NUBPL: variants seen among roughly 807,000 people sequenced by gnomAD.
NUBPL encodes the protein iron-sulfur cluster transfer protein NUBPL.
A neutral mutation model predicts 45.7 loss-of-function variants in NUBPL; 31 were observed. That is an observed-to-expected ratio of 0.68 (90% confidence interval 0.51 to 0.92). The LOEUF (loss-of-function observed/expected upper bound fraction) is 0.92. Among genes scored for constraint, NUBPL ranks in the 40% least tolerant of loss-of-function variants. NUBPL has a pLI of 0.00. For missense variants in NUBPL, 401 were observed against 398.7 expected, an observed-to-expected ratio of 1.01 and a Z score of -0.05; for synonymous variants, 144 against 140.9, an observed-to-expected ratio of 1.02 and a Z score of -0.15.
chr14:31,565,405 A>G (rs2033410448), intron 3 of NUBPL, among the ~76,000 whole-genome samples: 1 of 152,210 alleles, frequency 6.6e-6, no homozygotes, highest in African/African-American at 2.4e-5. Flanking sequence ...GTGTATATCC[A>G]TTAAAACAAA....
chr14:31,664,227 T>G (rs947210619), intron 4 of NUBPL, among the ~76,000 whole-genome samples: 2 of 152,192 alleles, frequency 1.3e-5, no homozygotes, highest in African/African-American at 4.8e-5. Flanking sequence ...ACACTTTATT[T>G]CTTTCTCTTG....
At chr14:31,631,988 C>T (rs1245100029) in intron 4 of NUBPL, among the ~76,000 whole-genome samples, 1 of 152,172 alleles carries the variant, frequency 6.6e-6, no homozygotes, top group Non-Finnish European at 1.5e-5. Context: ...GGTTGCCCTT[C>T]ATCTAAGTTG....
At chr14:31,858,300 T>C (rs553027411) in intron 10 of NUBPL, among the ~76,000 whole-genome samples, 1 of 152,294 alleles carries the variant, frequency 6.6e-6, no homozygotes, top group East Asian at 1.9e-4. Context: ...GGAGTTACAA[T>C]TGAAGATGAG....
intron 4 of NUBPL, among the ~76,000 whole-genome samples, chr14:31,662,881 C>G (rs1385756969): frequency 1.3e-5 from 2 of 152,194 alleles, no homozygotes; most frequent in Non-Finnish European, 2.9e-5. Context: ...ATTTCTATGT[C>G]TCCACATCCT....
chr14:31,713,039 T>G (rs762011857), intron 6 of NUBPL, among the ~76,000 whole-genome samples: 3 of 152,198 alleles, frequency 2.0e-5, no homozygotes, highest in Non-Finnish European at 2.9e-5. Flanking sequence ...CTGGATGTGG[T>G]GATCTGGTGA....
chr14:31,663,147 C>T (rs2036315939), intron 4 of NUBPL, among the ~76,000 whole-genome samples: 1 of 152,064 alleles, frequency 6.6e-6, no homozygotes, highest in African/African-American at 2.4e-5. Context: ...AGACCTTTGT[C>T]AGATGGATAG....
rs549982504 is a variant in NUBPL, at chr14:31,637,571, T to C, written c.383-35784T>C. ...TGAAAAAAATGTATATTCTGTTGAT[T>C]TGTGGTGGAGAGTTCTGTAGATGTC... On this transcript the variant is annotated intron_variant, in intron 4 of 10. Coordinates refer to ENST00000281081, the MANE Select transcript of NUBPL (RefSeq NM_025152.3). Among the ~76,000 whole-genome samples the C allele has an allele frequency of 2.6e-5, 4 of 152,348 alleles. No individual in the cohort carries two copies. In the South Asian group the frequency reaches 6.2e-4, roughly 24 times the overall value.
intron 7 of NUBPL, among the ~76,000 whole-genome samples, chr14:31,823,453 A>T (rs1448718227): frequency 6.6e-6 from 1 of 152,136 alleles, no homozygotes; most frequent in East Asian, 1.9e-4. Context: ...AGAACACCCT[A>T]CATACTAATA....
chr14:31,611,024 C>G (rs1296332023), intron 4 of NUBPL, among the ~76,000 whole-genome samples: 1 of 152,122 alleles, frequency 6.6e-6, no homozygotes, highest in African/African-American at 2.4e-5. Context: ...TGGAACATGA[C>G]AAGGATGCCC....
chr14:31,570,906 C>T (rs2033564157), intron 3 of NUBPL, among the ~76,000 whole-genome samples: 1 of 152,240 alleles, frequency 6.6e-6, no homozygotes, highest in African/African-American at 2.4e-5. Context: ...CCTTCCAGTA[C>T]ATGATGCCAG....
chr14:31,618,898 C>T (rs998249980), intron 4 of NUBPL, among the ~76,000 whole-genome samples: 2 of 152,118 alleles, frequency 1.3e-5, no homozygotes, highest in Non-Finnish European at 2.9e-5. Context: ...GTTAAAGTGT[C>T]CCACTATTAT....
intron 6 of NUBPL, among the ~76,000 whole-genome samples, chr14:31,680,396 T>C (rs1164648622): frequency 6.6e-6 from 1 of 152,136 alleles, no homozygotes; most frequent in Non-Finnish European, 1.5e-5. Context: ...AGTTCCTTCC[T>C]GTTTCCTTGT....
chr14:31,590,260 T>TA (rs1203005086), intron 3 of NUBPL, among the ~76,000 whole-genome samples: 21 of 152,078 alleles, frequency 1.4e-4, no homozygotes, highest in Non-Finnish European at 2.9e-4. Flanking sequence ...ATCCTTTTTT[T>TA]AAAAAAATTA....
chr14:31,809,040 T>C (rs1197312316), intron 7 of NUBPL, among the ~76,000 whole-genome samples: 1 of 151,984 alleles, frequency 6.6e-6, no homozygotes, highest in Non-Finnish European at 1.5e-5. Flanking sequence ...TGAGGATTTT[T>C]GCATCGATGT....
chr14:31,565,900 A>G (rs2033422926), intron 3 of NUBPL, among the ~76,000 whole-genome samples: 1 of 152,114 alleles, frequency 6.6e-6, no homozygotes, highest in East Asian at 1.9e-4. Context: ...CTATGGGAGT[A>G]TCAATTTTTC....
chr14:31,621,144 G>C (rs141183848), intron 4 of NUBPL, among the ~76,000 whole-genome samples: 4 of 152,140 alleles, frequency 2.6e-5, no homozygotes, highest in Admixed American at 6.5e-5. Flanking sequence ...TACGAAGGTC[G>C]AGCGTCCCAG....
At chr14:31,676,108 C>T (rs377173245) in intron 6 of NUBPL, among the ~76,000 whole-genome samples, 130 of 152,030 alleles carry the variant, frequency 8.6e-4, no homozygotes, top group African/African-American at 2.8e-3. Context: ...CTGCAACCTC[C>T]GCCTCCCAGG....
At chr14:31,648,657 G>A (rs181396082) in intron 4 of NUBPL, among the ~76,000 whole-genome samples, 263 of 152,236 alleles carry the variant, frequency 1.7e-3, no homozygotes, top group Middle Eastern at 6.8e-3. Flanking sequence ...ATTAAACATA[G>A]ACTATACATT....
chr14:31,798,130 T>C (rs2039500797), intron 7 of NUBPL, among the ~76,000 whole-genome samples: 1 of 152,114 alleles, frequency 6.6e-6, no homozygotes, highest in African/African-American at 2.4e-5. Context: ...TGTGCCCCCT[T>C]ATCTTTCTTA....
Sources: allele counts gnomAD v4.1 joint callset (sites outside exome capture counted in the v4.1 genomes callset), GRCh38; gene constraint gnomAD v4.1.1; transcripts MANE v1.5; gene names NCBI Gene and HGNC (gene_info 2026-07-23, HGNC 2026-07-21).